CLIP4: variants seen among roughly 807,000 people sequenced by gnomAD.
The protein encoded by CLIP4 is CAP-Gly domain containing linker protein family member 4.
Under a neutral mutation model 73.1 loss-of-function variants are expected in CLIP4, and 47 were observed. The ratio of observed to expected loss-of-function variants is 0.64; its 90% CI spans 0.51 to 0.82. CLIP4 has a LOEUF of 0.82. Ranked by LOEUF, CLIP4 falls within the 40% of genes least tolerant of loss-of-function variation. CLIP4 has a pLI of 0.00. For missense variants in CLIP4, 874 were observed against 852.9 expected, an observed-to-expected ratio of 1.02 and a Z score of -0.31; for synonymous variants, 306 against 295.4, an observed-to-expected ratio of 1.04 and a Z score of -0.37.
intron 6 of CLIP4, among the ~76,000 whole-genome samples, chr2:29,139,604 T>C (rs1230950081): frequency 1.3e-5 from 2 of 152,160 alleles, no homozygotes; most frequent in African/African-American, 4.8e-5. Context: ...GTGAATCCAT[T>C]CGGTCCAGGG....
At chr2:29,100,309 A>G (rs908037794) in intron 1 of CLIP4, among the ~76,000 whole-genome samples, 1 of 152,148 alleles carries the variant, frequency 6.6e-6, no homozygotes, top group African/African-American at 2.4e-5. Flanking sequence ...CTGTCTCTTG[A>G]AAGAGAAAAT....
At position 29,174,368 on chromosome 2, in the gene CLIP4, T is replaced by G. The variant is rs752980563; in HGVS notation, c.1724-5T>G. 1 of 1,606,850 alleles carries G rather than the reference T, an allele frequency of 6.2e-7. No individual in the cohort carries two copies. Among genetic ancestry groups the G allele is most frequent in the South Asian group, 1.1e-5 (1 of 89,014 alleles). On this transcript the variant is annotated splice_region_variant and splice_polypyrimidine_tract_variant and intron_variant, in intron 14 of 15. Transcript: ENST00000320081. ...TCCTCTGCTAACCCCAACTTTCATA[T>G]TTAGGTTTTAGGAGAAGTTTTAGCA...
chr2:29,145,093 G>A lies in CLIP4; in HGVS notation c.886-139G>A, dbSNP rs935754406. On this transcript the variant is annotated intron_variant, in intron 7 of 15. Coordinates refer to ENST00000320081, the MANE Select transcript of CLIP4 (RefSeq NM_024692.6). ...ACATTACCAAGCATAAAAAGGTAATGTTGAGAGAGCGAATTTTTAAAATTC... is the reference window on the plus strand; with the variant it reads ...ACATTACCAAGCATAAAAAGGTAATATTGAGAGAGCGAATTTTTAAAATTC... The A allele has an allele frequency of 2.4e-5, 15 of 635,566 alleles. No individual in the cohort carries two copies. The African/African-American group carries it at 2.8e-4, about 12-fold the overall frequency. The allele number at this position is 635,566 out of a possible 1,614,324, so 39.4% of individuals were successfully genotyped here.
chr2:29,170,141 T>C (rs1194472815), intron 14 of CLIP4, among the ~76,000 whole-genome samples: 1 of 152,218 alleles, frequency 6.6e-6, no homozygotes, highest in Non-Finnish European at 1.5e-5. Context: ...CTATATTTTC[T>C]TTCTCCATTC....
At chr2:29,145,608 T>C (rs1320935158) in intron 8 of CLIP4, among the ~76,000 whole-genome samples, 1 of 152,192 alleles carries the variant, frequency 6.6e-6, no homozygotes, top group Non-Finnish European at 1.5e-5. Context: ...AGGAGGAAAG[T>C]CCTGAAAAAC....
chr2:29,133,792 AT>A lies in CLIP4; in HGVS notation c.509del (p.Leu170Ter). On this transcript the variant is annotated frameshift_variant, in exon 5 of 16. Transcript: ENST00000320081. LOFTEE classifies it high-confidence loss of function. Reference protein sequence around the residue: ...YFDVPELIRVILKTSKPKDVD... With the variant: ...YFDVPELIRVXLKTSKPKDVD... ...TGATGTCCCTGAACTTATAAGAGTGATTTTGAAAACATCGAAACCAAAAGGC... is the reference window on the plus strand; with the variant it reads ...TGATGTCCCTGAACTTATAAGAGTGATTTGAAAACATCGAAACCAAAAGGC... The A allele has an allele frequency of 6.2e-7, 1 of 1,607,858 alleles. No individual in the cohort carries two copies. Among genetic ancestry groups the A allele is most frequent in the Non-Finnish European group, 8.5e-7 (1 of 1,178,324 alleles).
intron 15 of CLIP4, among the ~76,000 whole-genome samples, chr2:29,181,355 G>A (rs1195885045): frequency 6.6e-6 from 1 of 152,130 alleles, no homozygotes; most frequent in African/African-American, 2.4e-5. Context: ...TTCTGTGTAT[G>A]CGTGGACCCA....
rs568106181 is a variant in CLIP4 at position 29,160,279 on chromosome 2, G to A, written c.1400-54G>A. ...GTGCTTTTTGAGTTTTTCTCCCTTT[G>A]TTTTTTCTCCTCTTTTCCTGCCCTG... On this transcript the variant is annotated intron_variant, in intron 11 of 15. Coordinates refer to ENST00000320081, the MANE Select transcript of CLIP4 (RefSeq NM_024692.6). 58 of 1,612,164 alleles carry A rather than the reference G, an allele frequency of 3.6e-5. No homozygotes were observed. In the African/African-American group the frequency reaches 7.5e-4, roughly 21 times the overall value.
intron 4 of CLIP4, chr2:29,132,514 A>G: frequency 2.6e-6 from 1 of 385,900 alleles, no homozygotes; most frequent in South Asian, 5.9e-5. Context: ...TAACACCCTA[A>G]AATCTTTCTG....
intron 6 of CLIP4, among the ~76,000 whole-genome samples, chr2:29,140,929 A>T (rs1665721515): frequency 6.6e-6 from 1 of 152,076 alleles, no homozygotes. Context: ...GTGCAATGTT[A>T]GGTTGTTGAG....
chr2:29,181,933 G>T lies in CLIP4; in HGVS notation c.*40G>T. 6.8e-7 allele frequency: 1 copy of T among 1,469,812 alleles called. No homozygotes were observed. Among genetic ancestry groups the T allele is most frequent in the Non-Finnish European group, 9.2e-7 (1 of 1,084,012 alleles). 91.0% of individuals were successfully genotyped at this position (1,469,812 alleles called of 1,614,324 possible). ...AAATAAGCTCAAATATATATATTTG[G>T]TGTAAATAAAGAGTCCATGGTAAAT... On this transcript the variant is annotated 3_prime_UTR_variant, in exon 16 of 16. Transcript: ENST00000320081.
At chr2:29,133,566 C>G in intron 4 of CLIP4, 89 bp from the exon 5 acceptor site, 1 of 1,273,522 alleles carries the variant, frequency 7.9e-7, no homozygotes, top group East Asian at 2.4e-5. Flanking sequence ...GCACTGTTTG[C>G]TTTGGCTTTT....
At chr2:29,176,064 A>G (rs1158779787) in intron 15 of CLIP4, among the ~76,000 whole-genome samples, 1 of 152,182 alleles carries the variant, frequency 6.6e-6, no homozygotes, top group Admixed American at 6.5e-5. Context: ...CCCGGCTGAG[A>G]ATAAACTTTT....
At chr2:29,154,746 C>G (rs1313219785) in intron 9 of CLIP4, among the ~76,000 whole-genome samples, 1 of 152,110 alleles carries the variant, frequency 6.6e-6, no homozygotes, top group African/African-American at 2.4e-5. Context: ...CCTTTGGTCT[C>G]CTTGGTAGAC....
intron 14 of CLIP4, chr2:29,167,784 G>A (rs1341114140): frequency 5.9e-6 from 2 of 341,030 alleles, no homozygotes; most frequent in Non-Finnish European, 5.3e-6. Context: ...CCATCCTCAG[G>A]TGGAGGAGTC....
intron 1 of CLIP4, among the ~76,000 whole-genome samples, chr2:29,102,464 G>C (rs542312287): frequency 6.6e-6 from 1 of 152,168 alleles, no homozygotes; most frequent in African/African-American, 2.4e-5. Flanking sequence ...CCTGAGTTCA[G>C]GTTGCCCACT....
At chr2:29,151,448 G>A (rs368162264) in intron 8 of CLIP4, among the ~76,000 whole-genome samples, 11 of 152,012 alleles carry the variant, frequency 7.2e-5, no homozygotes, top group African/African-American at 2.7e-4. Context: ...TGTTAGGGAA[G>A]GAAAATAATT....
chr2:29,174,351 T>A (rs1401906598), intron 14 of CLIP4, 22 bp from the exon 15 acceptor site: 1 of 1,593,978 alleles, frequency 6.3e-7, no homozygotes, highest in Non-Finnish European at 8.6e-7. Flanking sequence ...TTTCCTCTGC[T>A]AACCCCAACT....
At chr2:29,139,963 G>A (rs1665642967) in intron 6 of CLIP4, among the ~76,000 whole-genome samples, 1 of 150,892 alleles carries the variant, frequency 6.6e-6, no homozygotes, top group Non-Finnish European at 1.5e-5. Flanking sequence ...GCCTTTTTTG[G>A]TTTCAGTTTC....
Sources: allele counts gnomAD v4.1 joint callset (sites outside exome capture counted in the v4.1 genomes callset), GRCh38; gene constraint gnomAD v4.1.1; transcripts MANE v1.5; gene names NCBI Gene and HGNC (gene_info 2026-07-23, HGNC 2026-07-21).